HDAC4: variants seen among roughly 807,000 people sequenced by gnomAD.
The protein encoded by HDAC4 is histone deacetylase A.
In HDAC4, 16 loss-of-function variants were observed where a neutral mutation model predicts 135.1. That is an observed-to-expected ratio of 0.12 (90% CI 0.08 to 0.18). The LOEUF (loss-of-function observed/expected upper bound fraction) is 0.18. HDAC4 is among the 10% of genes least tolerant of loss of function. HDAC4 has a pLI of 1.00. For synonymous variants in HDAC4, 685 were observed against 653.4 expected, an observed-to-expected ratio of 1.05 and a Z score of -0.74; for missense variants, 1,143 against 1,511.8, an observed-to-expected ratio of 0.76 and a Z score of 4.05.
intron 3 of HDAC4, among the ~76,000 whole-genome samples, chr2:239,226,761 A>G (rs2047265546): frequency 6.6e-6 from 1 of 152,230 alleles, no homozygotes; most frequent in Non-Finnish European, 1.5e-5. Flanking sequence ...GCGGACAGGG[A>G]AAGAACCAGT....
At chr2:239,282,685 C>CTG (rs2050868038) in intron 2 of HDAC4, among the ~76,000 whole-genome samples, 1 of 150,096 alleles carries the variant, frequency 6.7e-6, no homozygotes, top group Non-Finnish European at 1.5e-5. Context: ...ACACACCACT[C>CTG]TACAATGTAC....
At position 239,210,819 on chromosome 2, in the gene HDAC4, C is replaced by T. The variant is rs569148377; in HGVS notation, c.95-20742G>A. ...ACCTGCTTGGGATCTGAGCCTGGAA[C>T]GCGGCTGAGACCAGAACCCTCTCGA... On this transcript the variant is annotated intron_variant, in intron 3 of 26. Transcript: ENST00000543185. Among the ~76,000 whole-genome samples, 7 of 152,290 alleles carry T rather than the reference C, an allele frequency of 4.6e-5. No homozygotes were observed. In the South Asian group the frequency reaches 8.3e-4, roughly 18 times the overall value.
intron 2 of HDAC4, among the ~76,000 whole-genome samples, chr2:239,322,025 A>G (rs2053333527): frequency 1.3e-5 from 2 of 152,268 alleles, no homozygotes; most frequent in Admixed American, 1.3e-4. Flanking sequence ...CTCCAGAGCA[A>G]GCTGCTCAAG....
chr2:239,385,946 G>T (rs1029474817), intron 1 of HDAC4, among the ~76,000 whole-genome samples: 1 of 152,202 alleles, frequency 6.6e-6, no homozygotes, highest in Admixed American at 6.5e-5. Flanking sequence ...GAGGCCCAGG[G>T]ACAGGAAAGC....
Position 239,306,299 on chromosome 2 carries a change from C to T in HDAC4, c.22+46379G>A, listed in dbSNP as rs545946517. ...TCTAGTGATTCCAGGAGCTCCCTGG[C>T]CCATCCACAGGTGGGTGAGCTCCCA... On this transcript the variant is annotated intron_variant, in intron 2 of 26. Coordinates refer to ENST00000543185, the MANE Select transcript of HDAC4 (RefSeq NM_001378414.1). The surrounding 1 kb of genome is among the most constrained non-coding windows in gnomAD (Gnocchi z 4.5). Among the ~76,000 whole-genome samples, 10 of 152,304 alleles carry T rather than the reference C, an allele frequency of 6.6e-5. No homozygotes were observed. The highest frequency in any genetic ancestry group is 1.9e-4 in the East Asian group (1 of 5,186).
intron 3 of HDAC4, among the ~76,000 whole-genome samples, chr2:239,233,801 A>G (rs1159846110): frequency 3.3e-5 from 5 of 152,206 alleles, no homozygotes; most frequent in African/African-American, 1.2e-4. Context: ...TCATCTGTTC[A>G]AAGGGAGCGA....
rs987362601 is a variant in HDAC4 at position 239,052,745 on chromosome 2, G to C, written c.*352C>G. 5.6e-6 allele frequency: 2 copies of C among 355,498 alleles called. No individual in the cohort carries two copies. Among genetic ancestry groups the C allele is most frequent in the Admixed American group, 4.4e-5 (1 of 22,790 alleles). 22.0% of individuals were successfully genotyped at this position (355,498 alleles called of 1,614,324 possible). ...CTTTGATATTTGTTTTCTGTGCCTC[G>C]TGTCAACTGAATTCGGCAGCTCGGC... On this transcript the variant is annotated 3_prime_UTR_variant, in exon 27 of 27. Coordinates refer to ENST00000543185, the MANE Select transcript of HDAC4 (RefSeq NM_001378414.1).
intron 4 of HDAC4, among the ~76,000 whole-genome samples, chr2:239,179,915 T>C (rs551326): frequency 0.84 from 127,423 of 152,302 alleles, 53,451 homozygotes; most frequent in South Asian, 0.94. Flanking sequence ...AACGTGCTTG[T>C]GCACCCAAGT....
At chr2:239,350,162 C>T (rs1055953127) in intron 2 of HDAC4, among the ~76,000 whole-genome samples, 9 of 151,902 alleles carry the variant, frequency 5.9e-5, no homozygotes, top group Non-Finnish European at 1.3e-4. Context: ...GTAGAAATAC[C>T]TCATGAAACA....
At chr2:239,084,740 C>T (rs377415876) in intron 19 of HDAC4, among the ~76,000 whole-genome samples, 28 of 141,762 alleles carry the variant, frequency 2.0e-4, no homozygotes, top group South Asian at 1.2e-3. Context: ...CCCACAGATA[C>T]GCCCATACAC....
intron 12 of HDAC4, among the ~76,000 whole-genome samples, chr2:239,119,319 G>C (rs2039419746): frequency 6.6e-6 from 1 of 152,176 alleles, no homozygotes; most frequent in African/African-American, 2.4e-5. Flanking sequence ...GAGCAGGAGG[G>C]ATTCGGGAGG....
intron 3 of HDAC4, among the ~76,000 whole-genome samples, chr2:239,220,233 T>C (rs2046871700): frequency 1.3e-5 from 2 of 152,244 alleles, no homozygotes; most frequent in Non-Finnish European, 2.9e-5. Context: ...CTTCAAATTC[T>C]AGTGAAAGTG....
chr2:239,095,236 AG>A lies in HDAC4; in HGVS notation c.2234-181del, dbSNP rs146655281. ...TGCAGGGTCAGTGTCTGGCCCTTAG[AG>A]GTGCCTTGACTCCTGTGAGGGCTGA... On this transcript the variant is annotated intron_variant, in intron 16 of 26. Coordinates refer to ENST00000543185, the MANE Select transcript of HDAC4 (RefSeq NM_001378414.1). Among the ~76,000 whole-genome samples, 41 of 152,204 alleles carry A rather than the reference AG, an allele frequency of 2.7e-4. 1 individual carries two copies. In the East Asian group the frequency reaches 7.7e-3, roughly 29 times the overall value.
At chr2:239,337,388 A>G (rs1023187481) in intron 2 of HDAC4, among the ~76,000 whole-genome samples, 2 of 152,182 alleles carry the variant, frequency 1.3e-5, no homozygotes, top group Admixed American at 6.5e-5. Context: ...CACGCCACAC[A>G]TCGCACCAAT....
At chr2:239,114,944 C>G in intron 13 of HDAC4, 109 bp downstream of exon 13, 1 of 1,317,784 alleles carries the variant, frequency 7.6e-7, no homozygotes, top group Non-Finnish European at 1.0e-6. Flanking sequence ...TGGACAGTGA[C>G]CGCGCAAGGA....
intron 5 of HDAC4, among the ~76,000 whole-genome samples, chr2:239,175,367 G>A (rs941171106): frequency 2.0e-5 from 3 of 152,230 alleles, no homozygotes; most frequent in African/African-American, 2.4e-5. Flanking sequence ...ACACACTGGC[G>A]ACGCTGGGCA....
At chr2:239,246,888 C>T (rs1404999973) in intron 2 of HDAC4, among the ~76,000 whole-genome samples, 7 of 152,238 alleles carry the variant, frequency 4.6e-5, no homozygotes, top group Admixed American at 2.0e-4. Flanking sequence ...CATGTGGGTG[C>T]GTCACTGCAC....
At chr2:239,202,811 A>G (rs2045836198) in intron 3 of HDAC4, among the ~76,000 whole-genome samples, 1 of 152,222 alleles carries the variant, frequency 6.6e-6, no homozygotes, top group African/African-American at 2.4e-5. Flanking sequence ...ACCCAGGGTG[A>G]TAAACCCAGT....
At chr2:239,304,217 T>C (rs535875367) in intron 2 of HDAC4, among the ~76,000 whole-genome samples, 32 of 151,884 alleles carry the variant, frequency 2.1e-4, no homozygotes, top group Non-Finnish European at 3.7e-4. Flanking sequence ...GGGGAAGAAG[T>C]CCACACAGGA....
Sources: gnomAD v4.1 joint callset for allele counts (sites outside exome capture counted in the v4.1 genomes callset) on GRCh38, gnomAD v4.1.1 for gene constraint, Gnocchi (gnomAD v3.1) non-coding constraint, MANE v1.5 for transcripts, NCBI Gene and HGNC (gene_info 2026-07-23, HGNC 2026-07-21) for gene names.